CERS5: variants seen among roughly 807,000 people sequenced by gnomAD.
CERS5 encodes the protein ceramide synthase 5, also known as LAG1 homolog, ceramide synthase 5.
A neutral mutation model predicts 58.9 loss-of-function variants in CERS5; 37 were observed. The observed-to-expected ratio is 0.63, with a 90% CI of 0.48 to 0.83. CERS5 has a LOEUF of 0.83. Ranked by LOEUF, CERS5 falls within the 40% of genes least tolerant of loss-of-function variation. CERS5 has a pLI of 0.00. For synonymous variants in CERS5, 147 were observed against 177.8 expected, an observed-to-expected ratio of 0.83 and a Z score of 1.38; for missense variants, 398 against 489.3, an observed-to-expected ratio of 0.81 and a Z score of 1.76.
At chr12:50,150,149 C>G (rs1327795889) in intron 1 of CERS5, among the ~76,000 whole-genome samples, 1 of 152,146 alleles carries the variant, frequency 6.6e-6, no homozygotes, top group Non-Finnish European at 1.5e-5. Context: ...ATAAAAAGAA[C>G]AGGAGTTTAA....
In CERS5 at chr12:50,132,547, G is replaced by T. The variant is rs984102046; in HGVS notation, c.1030-1853C>A. ...TGGTTTAAGTAAAGGAGAGAAGGAAGTGAAAAGGAACACAGCTGTAACAAC... is the reference window on the plus strand; with the variant it reads ...TGGTTTAAGTAAAGGAGAGAAGGAATTGAAAAGGAACACAGCTGTAACAAC... On this transcript the variant is annotated intron_variant, in intron 9 of 9. Coordinates refer to ENST00000317551, the MANE Select transcript of CERS5 (RefSeq NM_147190.5). 2.6e-5 allele frequency among the ~76,000 whole-genome samples: 4 copies of T among 152,216 alleles called. No homozygotes were observed. In the East Asian group the frequency reaches 7.7e-4, roughly 29 times the overall value.
rs147527651 is a variant in CERS5 at position 50,130,589 on chromosome 12, G to A, written c.1135C>T (p.Arg379Trp). The change falls in exon 10 of 10, where the codon CGG (arginine) becomes TGG (tryptophan). Residue 379 changes from arginine to tryptophan, a missense_variant. Transcript: ENST00000317551. The stretch of plus-strand genomic sequence containing the variant: ...CTGCCTCCCATGTGACCATTCACCC[G>A]ATTGGCACCATTGCTGGAGCTACTG... Reference protein sequence around the residue: ...CDSSSSNGANRVNGHMGGSYW... With the variant: ...CDSSSSNGANWVNGHMGGSYW... 6.2e-6 allele frequency: 10 copies of A among 1,612,396 alleles called. No individual in the cohort carries two copies. Among genetic ancestry groups the A allele is most frequent in the South Asian group, 5.5e-5 (5 of 90,996 alleles).
intron 1 of CERS5, among the ~76,000 whole-genome samples, chr12:50,146,481 C>T (rs191586031): frequency 6.6e-6 from 1 of 152,278 alleles, no homozygotes; most frequent in African/African-American, 2.4e-5. Context: ...TTGTCATTAG[C>T]TCACATCCTG....
At chr12:50,159,013 C>T (rs1408077948) in intron 1 of CERS5, among the ~76,000 whole-genome samples, 1 of 151,888 alleles carries the variant, frequency 6.6e-6, no homozygotes, top group East Asian at 1.9e-4. Flanking sequence ...TGGCTAGAAG[C>T]AACTGTCAAT....
intron 1 of CERS5, among the ~76,000 whole-genome samples, chr12:50,155,961 G>T (rs967463433): frequency 3.3e-5 from 5 of 149,542 alleles, no homozygotes; most frequent in African/African-American, 9.9e-5. Context: ...AAATTAGCTG[G>T]GTGTGGTGGC....
chr12:50,159,063 T>TGTAA (rs1191038458), intron 1 of CERS5, among the ~76,000 whole-genome samples: 1 of 152,060 alleles, frequency 6.6e-6, no homozygotes, highest in African/African-American at 2.4e-5. Flanking sequence ...GGCTCACACC[T>TGTAA]GTAATCCCAG....
intron 9 of CERS5, among the ~76,000 whole-genome samples, chr12:50,131,015 T>C (rs1490961980): frequency 6.6e-6 from 1 of 152,230 alleles, no homozygotes; most frequent in Admixed American, 6.5e-5. Flanking sequence ...CTTTCTCTTC[T>C]TCCACTTCAA....
At chr12:50,147,518 G>T (rs1036378438) in intron 1 of CERS5, 1 of 152,050 alleles carries the variant, frequency 6.6e-6, no homozygotes, top group African/African-American at 2.4e-5. Flanking sequence ...AGACCCCTGG[G>T]GGATCCAGAG....
chr12:50,133,083 C>T, intron 9 of CERS5: 2 of 1,288,344 alleles, frequency 1.6e-6, no homozygotes, highest in South Asian at 2.5e-5. Context: ...GAAAGAAAAG[C>T]AGGAGAGAAC....
intron 1 of CERS5, among the ~76,000 whole-genome samples, chr12:50,158,901 C>A (rs1376214063): frequency 6.6e-6 from 1 of 152,184 alleles, no homozygotes; most frequent in Non-Finnish European, 1.5e-5. Flanking sequence ...CTTATCAGAG[C>A]TATGCAGTTC....
rs1363403779 is a variant in CERS5 at position 50,135,994 on chromosome 12, G to A, written c.712C>T (p.Arg238Ter). Reference protein sequence around the residue: ...ISFSYINNMVRVGTLIMCLHD... With the variant: ...ISFSYINNMV Reference sequence around the variant, plus strand: ...AGACACATGATCAGAGTTCCCACTCGAACCATATTGTTGATGTAGGAGAAG... The same window carrying A: ...AGACACATGATCAGAGTTCCCACTCAAACCATATTGTTGATGTAGGAGAAG... Residue 238 changes from arginine (R) to a stop codon, truncating the protein, a stop_gained, in exon 7 of 10, where the codon CGA (arginine) becomes TGA (stop). Coordinates refer to ENST00000317551, the MANE Select transcript of CERS5 (RefSeq NM_147190.5). LOFTEE classifies it high-confidence loss of function. The A allele has an allele frequency of 2.6e-6, 4 of 1,521,700 alleles. No individual in the cohort carries two copies. The highest frequency in any genetic ancestry group is 2.3e-5 in the East Asian group (1 of 44,216). 94.3% of individuals were successfully genotyped at this position (1,521,700 alleles called of 1,614,324 possible).
At position 50,167,300 on chromosome 12, in the gene CERS5, T is replaced by C; in HGVS notation, c.-3A>G. 2.7e-6 allele frequency: 4 copies of C among 1,496,144 alleles called. No homozygotes were observed. Among genetic ancestry groups the C allele is most frequent in the Non-Finnish European group, 3.5e-6 (4 of 1,129,176 alleles). 92.7% of individuals were successfully genotyped at this position (1,496,144 alleles called of 1,614,324 possible). A position where few individuals can be genotyped will look rare whatever the true frequency, so the allele number is the denominator to read the frequency against. On this transcript the variant is annotated 5_prime_UTR_variant, in exon 1 of 10. Coordinates refer to ENST00000317551, the MANE Select transcript of CERS5 (RefSeq NM_147190.5). ...GGTCCCTGCGCTGCTGTCGCCATCT[T>C]ACGCCCACCCCGAAGCCACCGCCGC...
chr12:50,166,216 G>A, intron 1 of CERS5: 1 of 190,922 alleles, frequency 5.2e-6, no homozygotes, highest in South Asian at 6.9e-5. Flanking sequence ...CCAGCTACTC[G>A]GGAGGCTGAG....
chr12:50,147,778 T>C (rs1952375245), intron 1 of CERS5, among the ~76,000 whole-genome samples: 1 of 152,098 alleles, frequency 6.6e-6, no homozygotes, highest in African/African-American at 2.4e-5. Context: ...AATGAGTTCA[T>C]TGTTATTTAT....
chr12:50,133,037 AG>A lies in CERS5; in HGVS notation c.1029+1508del, dbSNP rs1387086308. The A allele has an allele frequency of 3.9e-6, 5 of 1,288,982 alleles. No homozygotes were observed. The African/African-American group carries it at 7.6e-5, about 20-fold the overall frequency. 79.8% of individuals were successfully genotyped at this position (1,288,982 alleles called of 1,614,324 possible). A position where few individuals can be genotyped will look rare whatever the true frequency, so the allele number is the denominator to read the frequency against. On this transcript the variant is annotated intron_variant, in intron 9 of 9. Transcript: ENST00000317551. The stretch of plus-strand genomic sequence containing the variant: ...GAGGTGAGGAAAGAGTGGAGAGTAC[AG>A]GGTCTAATCCTTCCTGGACAGGTCA...
At chr12:50,144,190 CT>C in intron 1 of CERS5, 133 bp from the exon 2 acceptor site, 1 of 587,390 alleles carries the variant, frequency 1.7e-6, no homozygotes, top group Middle Eastern at 4.5e-4. Context: ...AATGATGAAA[CT>C]GGGGTAATTA....
At chr12:50,134,806 C>T in intron 8 of CERS5, 104 bp from the exon 9 acceptor site, 2 of 1,054,652 alleles carry the variant, frequency 1.9e-6, no homozygotes, top group East Asian at 2.4e-5. Flanking sequence ...TCCTACCAGC[C>T]CTTTTATCAG....
intron 1 of CERS5, among the ~76,000 whole-genome samples, chr12:50,163,372 A>AT: frequency 6.6e-6 from 1 of 151,660 alleles, no homozygotes; most frequent in South Asian, 2.1e-4. Context: ...CTATTTTTGT[A>AT]TTTTTAGTAG....
In CERS5 at chr12:50,167,093, G is replaced by A; in HGVS notation, c.197+8C>T. The A allele has an allele frequency of 3.3e-6, 5 of 1,527,946 alleles. No homozygotes were observed. Among genetic ancestry groups the A allele is most frequent in the African/African-American group, 1.4e-5 (1 of 70,898 alleles). 94.6% of individuals were successfully genotyped at this position (1,527,946 alleles called of 1,614,324 possible). ...CGGCCCCCGAGCCGCTCGCTCCCGG[G>A]CTCTCACCGCTCGAAGAGCAGCCTC... is the stretch of plus-strand genomic sequence containing the variant. On this transcript the variant is annotated splice_region_variant and intron_variant, in intron 1 of 9. Transcript: ENST00000317551.
Sources: allele counts gnomAD v4.1 joint callset (sites outside exome capture counted in the v4.1 genomes callset), GRCh38; gene constraint gnomAD v4.1.1; transcripts MANE v1.5; gene names NCBI Gene and HGNC (gene_info 2026-07-23, HGNC 2026-07-21).